Variants in SRGAP3 observed in about 807,000 individuals in gnomAD.
The protein encoded by SRGAP3 is SLIT-ROBO Rho GTPase activating protein 3.
A neutral mutation model predicts 121.1 loss-of-function variants in SRGAP3; 39 were observed. The ratio of observed to expected loss-of-function variants is 0.32; its 90% CI spans 0.25 to 0.42. The LOEUF (loss-of-function observed/expected upper bound fraction) is 0.42. Among genes scored for constraint, SRGAP3 ranks in the 10% least tolerant of loss-of-function variants. SRGAP3 has a pLI of 1.00. For missense variants in SRGAP3, 1,213 were observed against 1,470.6 expected (o/e 0.82, Z 2.86); for synonymous variants, 601 against 570.0 (o/e 1.05, Z -0.77).
intron 20 of SRGAP3, among the ~76,000 whole-genome samples, chr3:8,992,403 C>A (rs143833521): frequency 2.0e-5 from 3 of 152,318 alleles, no homozygotes; most frequent in Admixed American, 6.5e-5. Context: ...CTGGCCCACA[C>A]ATAGGGAGCG....
At chr3:9,262,390 C>T (rs891877575) in intron 3 of SRGAP3, among the ~76,000 whole-genome samples, 1 of 151,610 alleles carries the variant, frequency 6.6e-6, no homozygotes, top group African/African-American at 2.4e-5. Context: ...GGATTAAATG[C>T]CCCAATTAAA....
At chr3:9,056,485 T>C in intron 7 of SRGAP3, 151 bp from the exon 8 acceptor site, 1 of 785,850 alleles carries the variant, frequency 1.3e-6, no homozygotes, top group Non-Finnish European at 2.0e-6. Flanking sequence ...ACAGAGCTCA[T>C]AAGTGGCCGT....
intron 1 of SRGAP3, among the ~76,000 whole-genome samples, chr3:9,243,372 C>A (rs890979898): frequency 2.0e-5 from 3 of 152,118 alleles, no homozygotes; most frequent in East Asian, 3.9e-4. Context: ...TGGTGGCTCA[C>A]GTCTGTAATC....
chr3:9,003,797 C>T (rs145562300), intron 18 of SRGAP3, among the ~76,000 whole-genome samples: 2 of 152,272 alleles, frequency 1.3e-5, no homozygotes, highest in East Asian at 3.9e-4. Flanking sequence ...TAACATCATA[C>T]GTAACAGTGA....
chr3:9,252,034 T>C (rs1251866846), upstream of SRGAP3, among the ~76,000 whole-genome samples: 1 of 152,144 alleles, frequency 6.6e-6, no homozygotes, highest in East Asian at 1.9e-4. Context: ...TCTTCAACGT[T>C]GGAGGTGGGA....
chr3:9,171,375 C>T (rs930656258), intron 1 of SRGAP3, among the ~76,000 whole-genome samples: 3 of 152,244 alleles, frequency 2.0e-5, no homozygotes, highest in Non-Finnish European at 4.4e-5. Context: ...AATTCTGGAA[C>T]ATCTGTGCGC....
At chr3:9,257,107 C>T (rs1331387015) in intron 3 of SRGAP3, 3 of 366,752 alleles carry the variant, frequency 8.2e-6, no homozygotes, top group African/African-American at 4.2e-5. Context: ...TATATATTGC[C>T]CCTATGAAAG....
At chr3:9,092,794 T>G (rs1947810307) in intron 3 of SRGAP3, among the ~76,000 whole-genome samples, 1 of 152,162 alleles carries the variant, frequency 6.6e-6, no homozygotes, top group South Asian at 2.1e-4. Context: ...TTTTGCAGAA[T>G]CTCCTGTCAT....
chr3:9,344,206 G>T (rs964945376), intron 1 of SRGAP3, among the ~76,000 whole-genome samples: 8 of 152,280 alleles, frequency 5.3e-5, no homozygotes, highest in African/African-American at 1.9e-4. Flanking sequence ...TGTAATCCCA[G>T]AACTTTGGGA....
intron 1 of SRGAP3, among the ~76,000 whole-genome samples, chr3:9,351,325 C>T (rs1206581143): frequency 6.6e-6 from 1 of 152,198 alleles, no homozygotes; most frequent in Non-Finnish European, 1.5e-5. Flanking sequence ...AGTGAAACTT[C>T]CCAGCAATTT....
At chr3:9,254,850 G>A (rs906996660) in intron 3 of SRGAP3, among the ~76,000 whole-genome samples, 2 of 145,974 alleles carry the variant, frequency 1.4e-5, no homozygotes, top group Non-Finnish European at 3.0e-5. Flanking sequence ...AGGGAGGGAG[G>A]GAGGGAAGGA....
intron 1 of SRGAP3, among the ~76,000 whole-genome samples, chr3:9,237,411 C>T (rs1953453856): frequency 6.6e-6 from 1 of 152,150 alleles, no homozygotes; most frequent in African/African-American, 2.4e-5. Flanking sequence ...GAAATCAAAG[C>T]TCTTATTGAG....
intron 6 of SRGAP3, 88 bp downstream of exon 6, chr3:9,060,143 A>G (rs1315690917): frequency 6.2e-7 from 1 of 1,600,912 alleles, no homozygotes; most frequent in African/African-American, 1.3e-5. Flanking sequence ...TGTCAGGTAA[A>G]GACAAAGACC....
At chr3:9,042,811 G>C (rs1412374765) in intron 10 of SRGAP3, among the ~76,000 whole-genome samples, 1 of 152,198 alleles carries the variant, frequency 6.6e-6, no homozygotes, top group Non-Finnish European at 1.5e-5. Context: ...TGAACAAGGA[G>C]TGTTGATTTC....
chr3:9,032,351 C>A (rs1412735988), intron 12 of SRGAP3, among the ~76,000 whole-genome samples: 1 of 152,224 alleles, frequency 6.6e-6, no homozygotes, highest in Non-Finnish European at 1.5e-5. Flanking sequence ...GTTGCTGAAG[C>A]AATGAAGCGT....
chr3:9,161,003 T>C (rs1475958045), intron 1 of SRGAP3, among the ~76,000 whole-genome samples: 1 of 152,184 alleles, frequency 6.6e-6, no homozygotes, highest in Admixed American at 6.5e-5. Flanking sequence ...AAAAGCTCTA[T>C]CTTGCAGCAG....
chr3:9,346,399 T>C (rs961565410), intron 1 of SRGAP3, among the ~76,000 whole-genome samples: 1 of 152,038 alleles, frequency 6.6e-6, no homozygotes, highest in East Asian at 1.9e-4. Flanking sequence ...CTTGCCAGCA[T>C]GCCAGACTTG....
intron 3 of SRGAP3, 52 bp downstream of exon 3, chr3:9,104,628 G>C: frequency 6.2e-7 from 1 of 1,609,386 alleles, no homozygotes; most frequent in South Asian, 1.1e-5. Context: ...CTGTTACCAT[G>C]GGCCAGCTTG....
chr3:9,013,002 G>A (rs1943449392), intron 17 of SRGAP3, among the ~76,000 whole-genome samples: 1 of 152,056 alleles, frequency 6.6e-6, no homozygotes, highest in South Asian at 2.1e-4. Context: ...AAGTCCTTGT[G>A]GTAATAGTTG....
Sources: allele counts gnomAD v4.1 joint callset (sites outside exome capture counted in the v4.1 genomes callset), GRCh38; gene constraint gnomAD v4.1.1; transcripts MANE v1.5; gene names NCBI Gene and HGNC (gene_info 2026-07-23, HGNC 2026-07-21).